FBXL18: variants seen among roughly 807,000 people sequenced by gnomAD.
FBXL18 encodes the protein F-box and leucine rich repeat protein 18, also known as F-box/LRR-repeat protein 18.
In FBXL18, 36 loss-of-function variants were observed where a neutral mutation model predicts 46.0. That is an observed-to-expected ratio of 0.78 (90% CI 0.60 to 1.03). The LOEUF is 1.03. Among genes scored for constraint, FBXL18 ranks in the 50% least tolerant of loss-of-function variants. The pLI is 0.00. For synonymous variants in FBXL18, 557 were observed against 465.3 expected (o/e 1.20, Z -2.54); for missense variants, 977 against 1,004.1 (o/e 0.97, Z 0.36).
At chr7:5,512,982 T>C (rs1436143197) in intron 1 of FBXL18, among the ~76,000 whole-genome samples, 2 of 152,088 alleles carry the variant, frequency 1.3e-5, no homozygotes, top group Admixed American at 1.3e-4. Flanking sequence ...AGGTGACAGA[T>C]ACCAACCCAG....
chr7:5,466,982 C>T (rs898574828), intron 4 of FBXL18, among the ~76,000 whole-genome samples: 1 of 151,910 alleles, frequency 6.6e-6, no homozygotes, highest in Non-Finnish European at 1.5e-5. Context: ...TTTGGGAGGC[C>T]GAGGCAGGCG....
rs1382293111 is a variant in FBXL18, at chr7:5,480,269, G to A, written c.*1506C>T. On this transcript the variant is annotated 3_prime_UTR_variant, in exon 5 of 5. Transcript: ENST00000382368. Reference sequence around the variant, plus strand: ...CTTCACCAAGAGCGGCCAGGGCGGCGGTCCAGGCTAGCAGGGCCCAACTAC... The same window carrying A: ...CTTCACCAAGAGCGGCCAGGGCGGCAGTCCAGGCTAGCAGGGCCCAACTAC... 1.3e-5 allele frequency among the ~76,000 whole-genome samples: 2 copies of A among 152,116 alleles called. No homozygotes were observed. The highest frequency in any genetic ancestry group is 1.5e-5 in the Non-Finnish European group (1 of 68,016).
chr7:5,503,278 G>A (rs1784314181), intron 2 of FBXL18, among the ~76,000 whole-genome samples: 1 of 152,146 alleles, frequency 6.6e-6, no homozygotes, highest in African/African-American at 2.4e-5. Context: ...CATCTACTTG[G>A]GAGGCTGAGG....
chr7:5,482,354 C>G (rs1783669650), intron 4 of FBXL18, among the ~76,000 whole-genome samples: 1 of 152,206 alleles, frequency 6.6e-6, no homozygotes, highest in South Asian at 2.1e-4. Context: ...TGCCCACACC[C>G]CACAGCCGCA....
rs1129360 is a variant in FBXL18, at chr7:5,476,448, C to A, written c.*5327G>T. ...ACAGGCGGTTTTCCCGTAAACCGAC[C>A]CCTTCAGCGTTTCTGCTTTTTGTTG... is the stretch of plus-strand genomic sequence containing the variant. On this transcript the variant is annotated 3_prime_UTR_variant, in exon 5 of 5. Transcript: ENST00000382368. The A allele has an allele frequency of 0.41, 61,603 of 151,800 alleles. 12,963 individuals are homozygous for A. The highest frequency in any genetic ancestry group is 0.51 in the South Asian group (2,455 of 4,792). The allele number at this position is 151,800 out of a possible 1,614,324, so 9.4% of individuals were successfully genotyped here. A position where few individuals can be genotyped will look rare whatever the true frequency, so the allele number is the denominator to read the frequency against.
intron 4 of FBXL18, among the ~76,000 whole-genome samples, chr7:5,462,691 C>CCT (rs1404950698): frequency 6.6e-6 from 1 of 151,928 alleles, no homozygotes; most frequent in East Asian, 1.9e-4. Context: ...GTGGCTCATG[C>CCT]CTGTAATCCC....
rs1783585777 is a variant in FBXL18 at position 5,479,263 on chromosome 7, T to A, written c.*2512A>T. The A allele has an allele frequency of 6.6e-6, 1 of 152,210 alleles. No homozygotes were observed. Among genetic ancestry groups the A allele is most frequent in the African/African-American group, 2.4e-5 (1 of 41,442 alleles). The allele number at this position is 152,210 out of a possible 1,614,324, so 9.4% of individuals were successfully genotyped here. On this transcript the variant is annotated 3_prime_UTR_variant, in exon 5 of 5. Coordinates refer to ENST00000382368, the MANE Select transcript of FBXL18 (RefSeq NM_024963.6). ...TATGCTGCTGGTTAAAACCGCTTGCTCATGAGAACAGGACACCCAGGCGCG... is the reference window on the plus strand; with the variant it reads ...TATGCTGCTGGTTAAAACCGCTTGCACATGAGAACAGGACACCCAGGCGCG...
intron 4 of FBXL18, among the ~76,000 whole-genome samples, chr7:5,470,634 A>G (rs1208547371): frequency 6.6e-6 from 1 of 150,962 alleles, no homozygotes; most frequent in African/African-American, 2.4e-5. Context: ...GGAAGGGGAG[A>G]CCCCCAGGCC....
At chr7:5,512,584 G>C (rs1033690128) in intron 1 of FBXL18, among the ~76,000 whole-genome samples, 1 of 151,854 alleles carries the variant, frequency 6.6e-6, no homozygotes, top group Admixed American at 6.6e-5. Context: ...CAGCCTGGGC[G>C]ACAGAGCGAG....
chr7:5,501,936 G>C lies in FBXL18; in HGVS notation c.333C>G (p.Thr111=), dbSNP rs774322710. The stretch of plus-strand genomic sequence containing the variant: ...TGCGGCAGCGGGCCACGTGTTCCAC[G>C]GTGGAGCCAGGCAGCCAGTAGCAGC... ...MAGCYWLPGS[T]VEHVARCRSL... Residue 111 remains threonine, a synonymous_variant, in exon 3 of 5, where the codon ACC becomes ACG. Transcript: ENST00000382368. 8.1e-6 allele frequency: 13 copies of C among 1,604,426 alleles called. No individual in the cohort carries two copies. The highest frequency in any genetic ancestry group is 1.7e-5 in the Admixed American group (1 of 58,728).
At chr7:5,512,153 A>G (rs111566087) in intron 1 of FBXL18, among the ~76,000 whole-genome samples, 4 of 150,938 alleles carry the variant, frequency 2.7e-5, no homozygotes, top group African/African-American at 9.7e-5. Flanking sequence ...GCTGAGGCAG[A>G]AGAATGGCAT....
intron 2 of FBXL18, among the ~76,000 whole-genome samples, chr7:5,505,134 G>A (rs1784362428): frequency 6.6e-6 from 1 of 151,522 alleles, no homozygotes; most frequent in African/African-American, 2.4e-5. Context: ...CCACAAGAAA[G>A]CACATCTCCA....
chr7:5,460,077 T>G (rs373286345), intron 4 of FBXL18, among the ~76,000 whole-genome samples: 274 of 151,950 alleles, frequency 1.8e-3, no homozygotes, highest in African/African-American at 5.6e-3. Context: ...CTAGGCAACA[T>G]AGTGAGACCC....
rs184407873 is a variant in FBXL18 at position 5,484,284 on chromosome 7, G to A, written c.2001-2353C>T. Among the ~76,000 whole-genome samples the A allele has an allele frequency of 2.2e-4, 34 of 152,106 alleles. No individual in the cohort carries two copies. In the East Asian group the frequency reaches 4.7e-3, roughly 21 times the overall value. On this transcript the variant is annotated intron_variant, in intron 4 of 4. Coordinates refer to ENST00000382368, the MANE Select transcript of FBXL18 (RefSeq NM_024963.6). ...AGATCAAGACCATCCTGGCTAACAC[G>A]GTGAAACCCCGTCTCTACTAAAAAT...
downstream of FBXL18, among the ~76,000 whole-genome samples, chr7:5,471,857 A>T (rs1214954165): frequency 6.6e-6 from 1 of 152,196 alleles, no homozygotes; most frequent in Non-Finnish European, 1.5e-5. Flanking sequence ...TCACGCCTGT[A>T]ATCCCAGCAT....
At chr7:5,497,405 C>G (rs565264361) in intron 3 of FBXL18, among the ~76,000 whole-genome samples, 10 of 152,214 alleles carry the variant, frequency 6.6e-5, no homozygotes, top group Non-Finnish European at 1.2e-4. Context: ...TCAAAGCGGC[C>G]GATCCAGGGC....
At chr7:5,489,032 AGCTGCCACCCAG>A (rs1445002953) in intron 4 of FBXL18, 1 of 307,274 alleles carries the variant, frequency 3.3e-6, no homozygotes, top group Non-Finnish European at 6.4e-6. Context: ...GGAACATTCC[AGCTGCCACCCAG>A]GCTGCCCCCC....
chr7:5,468,182 A>G (rs1034883103), intron 4 of FBXL18, among the ~76,000 whole-genome samples: 15 of 151,898 alleles, frequency 9.9e-5, no homozygotes, highest in Non-Finnish European at 1.8e-4. Flanking sequence ...ACGGGGTTTC[A>G]CCGTGTTAGC....
chr7:5,510,317 A>G (rs567698037), intron 1 of FBXL18, among the ~76,000 whole-genome samples: 28 of 150,900 alleles, frequency 1.9e-4, no homozygotes, highest in East Asian at 5.8e-4. Flanking sequence ...AAAAAAAAAA[A>G]AAAAGAAAAG....
Sources: gnomAD v4.1 joint callset for allele counts (sites outside exome capture counted in the v4.1 genomes callset) on GRCh38, gnomAD v4.1.1 for gene constraint, MANE v1.5 for transcripts, NCBI Gene and HGNC (gene_info 2026-07-23, HGNC 2026-07-21) for gene names.